The following ERMP1 variants were observed in gnomAD, a reference collection of about 807,000 sequenced individuals.
ERMP1 encodes endoplasmic reticulum metallopeptidase 1.
ERMP1 carries 86 observed loss-of-function variants against 92.0 expected under a neutral mutation model. The observed-to-expected ratio is 0.93, with a 90% confidence interval of 0.79 to 1.12. ERMP1 has a LOEUF of 1.12. Ranked by LOEUF, ERMP1 falls within the 50% of genes most tolerant of loss-of-function variation. ERMP1 has a pLI of 0.00. For synonymous variants in ERMP1, 530 were observed against 412.8 expected, an observed-to-expected ratio of 1.28 and a Z score of -3.44; for missense variants, 1,342 against 1,116.3, an observed-to-expected ratio of 1.20 and a Z score of -2.88.
chr9:5,834,348 T>C (rs549755330), upstream of ERMP1, among the ~76,000 whole-genome samples: 4 of 152,332 alleles, frequency 2.6e-5, no homozygotes, highest in Non-Finnish European at 5.9e-5. Flanking sequence ...TTCCCCTATT[T>C]GTAGGATCTC....
chr9:5,813,022 A>T lies in ERMP1; in HGVS notation c.888T>A (p.Pro296=). 1 of 1,614,012 alleles carries T rather than the reference A, an allele frequency of 6.2e-7. No homozygotes were observed. The highest frequency in any genetic ancestry group is 8.5e-7 in the Non-Finnish European group (1 of 1,179,900). Residue 296 remains proline (P), a synonymous_variant, in exon 5 of 15, where the codon CCT becomes CCA. Transcript: ENST00000339450. The part of the protein sequence containing the change: ...ELVFQTGPEN[P]WLVQAYVSAA... The stretch of plus-strand genomic sequence containing the variant: ...CTGAAACATAAGCTTGAACCAACCA[A>T]GGATTTTCAGGACCTAAAATGAAAG...
intron 3 of ERMP1, among the ~76,000 whole-genome samples, chr9:5,824,723 G>GA (rs1373886765): frequency 1.1e-4 from 17 of 151,622 alleles, no homozygotes; most frequent in South Asian, 2.1e-4. Flanking sequence ...TAAAAAGAAA[G>GA]AAAAAAAAGA....
intron 4 of ERMP1, among the ~76,000 whole-genome samples, chr9:5,819,646 T>C (rs1256064858): frequency 6.6e-6 from 1 of 152,172 alleles, no homozygotes; most frequent in Non-Finnish European, 1.5e-5. Context: ...GTTTCACAGT[T>C]TACTATGGCA....
chr9:5,829,542 T>A (rs1829859818), intron 2 of ERMP1, among the ~76,000 whole-genome samples: 3 of 152,202 alleles, frequency 2.0e-5, no homozygotes, highest in African/African-American at 7.2e-5. Flanking sequence ...TTTTAGCGTT[T>A]TACTTATTTT....
chr9:5,827,090 C>G (rs1025501258), intron 2 of ERMP1, among the ~76,000 whole-genome samples: 2 of 152,182 alleles, frequency 1.3e-5, no homozygotes, highest in Non-Finnish European at 2.9e-5. Flanking sequence ...TGGAACCACA[C>G]AGCAAACTCA....
chr9:5,850,405 CAAAAAAA>C (rs59464514), intron 6 of ERMP1, among the ~76,000 whole-genome samples: 5 of 40,596 alleles, frequency 1.2e-4, no homozygotes, highest in East Asian at 2.0e-3. Flanking sequence ...AACTCCGTCT[CAAAAAAA>C]AAAAAAAAAA....
At chr9:5,809,498 T>C (rs926446943) in intron 8 of ERMP1, among the ~76,000 whole-genome samples, 14 of 152,154 alleles carry the variant, frequency 9.2e-5, no homozygotes, top group Non-Finnish European at 4.4e-5. Flanking sequence ...ATCAACAATA[T>C]ACAGTTAAAA....
At chr9:5,851,043 G>C (rs896379818) in intron 6 of ERMP1, among the ~76,000 whole-genome samples, 3 of 152,186 alleles carry the variant, frequency 2.0e-5, no homozygotes, top group Admixed American at 6.5e-5. Context: ...ATCTCACACT[G>C]TGTTCCCTCT....
intron 1 of ERMP1, 41 bp from the exon 2 acceptor site, chr9:5,831,069 A>T: frequency 6.5e-7 from 1 of 1,547,050 alleles, no homozygotes; most frequent in Non-Finnish European, 8.8e-7. Flanking sequence ...TGTAGTTAAA[A>T]TTGACACTTA....
At chr9:5,819,270 G>A (rs1008879025) in intron 4 of ERMP1, among the ~76,000 whole-genome samples, 17 of 152,172 alleles carry the variant, frequency 1.1e-4, no homozygotes, top group Non-Finnish European at 2.2e-4. Flanking sequence ...GCGACAATGT[G>A]GATGAACCTT....
intron 2 of ERMP1, among the ~76,000 whole-genome samples, chr9:5,830,171 T>C (rs1158773232): frequency 1.3e-5 from 2 of 152,156 alleles, no homozygotes; most frequent in African/African-American, 2.4e-5. Context: ...TACAAATTTG[T>C]AAACTTTCTT....
intron 8 of ERMP1, among the ~76,000 whole-genome samples, chr9:5,809,586 A>C (rs1337139737): frequency 2.0e-5 from 3 of 152,244 alleles, no homozygotes; most frequent in Non-Finnish European, 2.9e-5. Context: ...GCTGTGTGTT[A>C]ATGCTGTGTG....
chr9:5,809,312 G>A (rs939635805), intron 8 of ERMP1, among the ~76,000 whole-genome samples: 5 of 152,274 alleles, frequency 3.3e-5, no homozygotes, highest in South Asian at 2.1e-4. Context: ...GAGCCACCGC[G>A]CCCGGCCAGC....
intron 13 of ERMP1, among the ~76,000 whole-genome samples, chr9:5,791,503 C>G (rs929808496): frequency 2.0e-5 from 3 of 152,150 alleles, no homozygotes; most frequent in African/African-American, 4.8e-5. Flanking sequence ...TAGCATTTGA[C>G]CAGATACCTG....
chr9:5,824,074 C>G, intron 3 of ERMP1, 73 bp from the exon 4 acceptor site: 1 of 1,167,796 alleles, frequency 8.6e-7, no homozygotes, highest in South Asian at 1.3e-5. Context: ...TGCTTAAACA[C>G]AGAGAGACTA....
intron 4 of ERMP1, among the ~76,000 whole-genome samples, chr9:5,823,655 G>C (rs1408674776): frequency 2.6e-5 from 4 of 152,052 alleles, no homozygotes; most frequent in Admixed American, 2.6e-4. Flanking sequence ...AGGATTCAAT[G>C]ACTTAATATA....
intron 5 of ERMP1, among the ~76,000 whole-genome samples, chr9:5,861,876 T>C (rs920169777): frequency 2.0e-5 from 3 of 152,002 alleles, no homozygotes; most frequent in African/African-American, 7.3e-5. Context: ...TCTCTTTTCA[T>C]GGGGCCAGTT....
Position 5,787,256 on chromosome 9 carries a change from T to C in ERMP1, c.2603A>G (p.Tyr868Cys), listed in dbSNP as rs371806673. ...GMVTVAIAAH[Y>C]LSGEDKRSPQ... ...GGATCTCTTGTCTTCCCCAGACAGA[T>C]AGTGGGCAGCAATGGCCACGGTGAC... Residue 868 changes from tyrosine to cysteine, a missense_variant, in exon 15 of 15, where the codon TAT becomes TGT. Tyr to Cys is a radical substitution (Grantham distance 194). Transcript: ENST00000339450. The C allele has an allele frequency of 1.8e-5, 29 of 1,613,866 alleles. No individual in the cohort carries two copies. Among genetic ancestry groups the C allele is most frequent in the South Asian group, 3.3e-5 (3 of 91,056 alleles).
At chr9:5,826,599 T>A (rs1259983187) in intron 2 of ERMP1, among the ~76,000 whole-genome samples, 1 of 152,158 alleles carries the variant, frequency 6.6e-6, no homozygotes, top group Non-Finnish European at 1.5e-5. Flanking sequence ...AAGAAGAAAT[T>A]ACCTATTAAC....
Sources: gnomAD v4.1 joint callset for allele counts (sites outside exome capture counted in the v4.1 genomes callset) on GRCh38, gnomAD v4.1.1 for gene constraint, MANE v1.5 for transcripts, NCBI Gene and HGNC (gene_info 2026-07-23, HGNC 2026-07-21) for gene names.